ADAMTS9: variants seen among roughly 807,000 people sequenced by gnomAD.
The protein encoded by ADAMTS9 is ADAM metallopeptidase with thrombospondin type 1 motif 9, also known as A disintegrin and metalloproteinase with thrombospondin motifs 9.
A neutral mutation model predicts 257.1 loss-of-function variants in ADAMTS9; 107 were observed. The ratio of observed to expected loss-of-function variants is 0.42; its 90% CI spans 0.36 to 0.49. The LOEUF is 0.49. Among genes scored for constraint, ADAMTS9 ranks in the 20% least tolerant of loss-of-function variants. The pLI is 0.03. For synonymous variants in ADAMTS9, 982 were observed against 880.9 expected, an observed-to-expected ratio of 1.11 and a Z score of -2.03; for missense variants, 2,353 against 2,469.1, an observed-to-expected ratio of 0.95 and a Z score of 1.00.
At chr3:64,611,705 C>A (rs1240957090) in intron 22 of ADAMTS9, among the ~76,000 whole-genome samples, 2 of 152,178 alleles carry the variant, frequency 1.3e-5, no homozygotes, top group Admixed American at 1.3e-4. Context: ...AATGCTGCTG[C>A]TGATCTGACA....
At chr3:64,531,127 T>C (rs1037873592) in intron 38 of ADAMTS9, among the ~76,000 whole-genome samples, 1 of 152,110 alleles carries the variant, frequency 6.6e-6, no homozygotes, top group Non-Finnish European at 1.5e-5. Flanking sequence ...GGACATTGAT[T>C]GGCTGAGATG....
intron 28 of ADAMTS9, among the ~76,000 whole-genome samples, chr3:64,570,694 T>G (rs111315732): frequency 3.3e-5 from 1 of 29,966 alleles, no homozygotes; most frequent in Non-Finnish European, 5.0e-5. Flanking sequence ...AGACTCCGTC[T>G]CAAAAAAAAA....
Position 64,552,189 on chromosome 3 carries a change from T to C in ADAMTS9, c.4699-1127A>G, listed in dbSNP as rs375532506. Among the ~76,000 whole-genome samples, 3 of 152,338 alleles carry C rather than the reference T, an allele frequency of 2.0e-5. No homozygotes were observed. In the East Asian group the frequency reaches 5.8e-4, roughly 29 times the overall value. On this transcript the variant is annotated intron_variant, in intron 30 of 39. Transcript: ENST00000498707. ...TACTTGCCCCAGGTCACACATCTCT[T>C]TGTGAGGTAGACGGGACAGCTATGT...
At chr3:64,542,785 T>C (rs2083143445) in intron 32 of ADAMTS9, among the ~76,000 whole-genome samples, 1 of 151,868 alleles carries the variant, frequency 6.6e-6, no homozygotes. Flanking sequence ...CTGAAGGAGA[T>C]AGAGACACAA....
chr3:64,550,854 G>A, intron 31 of ADAMTS9, 38 bp downstream of exon 31: 3 of 1,611,518 alleles, frequency 1.9e-6, no homozygotes, highest in African/African-American at 2.7e-5. Context: ...CTCAGGCCAT[G>A]GCTGAGCTGA....
At position 64,517,429 on chromosome 3, in the gene ADAMTS9, T is replaced by TTTTTTTTTTTTTTG. The variant is rs1321284198; in HGVS notation, c.*6-309_*6-308insCAAAAAAAAAAAAA. ...TAATTAAAAATGGTTTTTTTTTTTT[T>TTTTTTTTTTTTTTG]TTTTTTTTTTGCAGAAATGGGAGTC... On this transcript the variant is annotated intron_variant, in intron 39 of 39. Coordinates refer to ENST00000498707, the MANE Select transcript of ADAMTS9 (RefSeq NM_182920.2). Among the ~76,000 whole-genome samples the TTTTTTTTTTTTTTG allele has an allele frequency of 1.1e-4, 15 of 130,662 alleles. 3 individuals carry two copies. The highest frequency in any genetic ancestry group is 8.9e-4 in the South Asian group (3 of 3,374). The allele number at this position is 130,662 out of a possible 152,430, so 85.7% of individuals were successfully genotyped here.
At chr3:64,675,743 C>A (rs1046771993) in intron 3 of ADAMTS9, among the ~76,000 whole-genome samples, 1 of 152,162 alleles carries the variant, frequency 6.6e-6, no homozygotes, top group Admixed American at 6.5e-5. Context: ...CTCTCTTCTT[C>A]CTGGCTGTGT....
intron 25 of ADAMTS9, among the ~76,000 whole-genome samples, chr3:64,602,659 T>G (rs1407766919): frequency 6.6e-6 from 1 of 152,190 alleles, no homozygotes; most frequent in African/African-American, 2.4e-5. Flanking sequence ...CTACTGCACC[T>G]TTTGCTGTAC....
chr3:64,601,014 C>T (rs2084449563), intron 26 of ADAMTS9, among the ~76,000 whole-genome samples: 1 of 152,130 alleles, frequency 6.6e-6, no homozygotes, highest in South Asian at 2.1e-4. Context: ...AAAACCCTCC[C>T]CCTCCTGCAG....
intron 16 of ADAMTS9, among the ~76,000 whole-genome samples, chr3:64,628,636 A>G (rs933918979): frequency 2.2e-4 from 34 of 152,346 alleles, no homozygotes; most frequent in African/African-American, 8.2e-4. Context: ...TGTCTTATAA[A>G]GTTGTCACTC....
chr3:64,538,507 C>T lies in ADAMTS9; in HGVS notation c.5613+696G>A, dbSNP rs74582477. On this transcript the variant is annotated intron_variant, in intron 37 of 39. Transcript: ENST00000498707. The stretch of plus-strand genomic sequence containing the variant: ...AAAAAAAAAACCTTACCAATGCACC[C>T]AACTAATATTTTGAAAAAGTCCTTC... 4.1e-4 allele frequency among the ~76,000 whole-genome samples: 62 copies of T among 151,224 alleles called. No homozygotes were observed. The East Asian group carries it at 0.011, about 27-fold the overall frequency.
At chr3:64,566,051 C>A (rs1448244291) in intron 29 of ADAMTS9, among the ~76,000 whole-genome samples, 4 of 152,094 alleles carry the variant, frequency 2.6e-5, no homozygotes, top group Admixed American at 2.6e-4. Context: ...AGAAATTAAA[C>A]CAATTATTTT....
At chr3:64,520,944 T>C (rs1462957429) in intron 39 of ADAMTS9, among the ~76,000 whole-genome samples, 3 of 151,980 alleles carry the variant, frequency 2.0e-5, no homozygotes, top group Non-Finnish European at 2.9e-5. Flanking sequence ...AAATTGATAA[T>C]GGAGACCTAA....
At chr3:64,579,335 C>T (rs550455436) in intron 28 of ADAMTS9, among the ~76,000 whole-genome samples, 34 of 152,244 alleles carry the variant, frequency 2.2e-4, no homozygotes, top group Non-Finnish European at 1.6e-4. Flanking sequence ...ATGTCACTTT[C>T]TTAATGGAGA....
chr3:64,630,906 A>G (rs7636925), intron 16 of ADAMTS9, among the ~76,000 whole-genome samples: 81,638 of 152,042 alleles, frequency 0.54, 23,463 homozygotes, highest in African/African-American at 0.75. Flanking sequence ...CATGCACCTC[A>G]GTTCAGTGAG....
intron 12 of ADAMTS9, among the ~76,000 whole-genome samples, chr3:64,638,543 T>C (rs1044391432): frequency 2.0e-5 from 3 of 152,166 alleles, no homozygotes; most frequent in African/African-American, 7.2e-5. Context: ...CAAGGGACTG[T>C]CCTTGTAAAC....
At chr3:64,602,275 G>A (rs2084477696) in intron 25 of ADAMTS9, 62 bp from the exon 26 acceptor site, 1 of 1,571,528 alleles carries the variant, frequency 6.4e-7, no homozygotes, top group East Asian at 2.3e-5. Flanking sequence ...GACAATTCCT[G>A]AATGTGCATT....
chr3:64,542,938 C>A (rs905561182), intron 32 of ADAMTS9, among the ~76,000 whole-genome samples: 1 of 151,906 alleles, frequency 6.6e-6, no homozygotes, highest in Non-Finnish European at 1.5e-5. Flanking sequence ...GGGAATATCA[C>A]CACCAATCCC....
chr3:64,602,103 A>G lies in ADAMTS9; in HGVS notation c.3858T>C (p.Thr1286=). 6.2e-7 allele frequency: 1 copy of G among 1,614,116 alleles called. No individual in the cohort carries two copies. Among genetic ancestry groups the G allele is most frequent in the Non-Finnish European group, 8.5e-7 (1 of 1,180,002 alleles). ...ATGGTGACATGGAACAGTCCTGGTC[A>G]GTTTCTGGGATATAATCCTGGTCAC... The part of the protein sequence containing the change: ...SECDQDYIPE[T]DQDCSMSPCP... Residue 1286 remains threonine, a synonymous_variant, in exon 26 of 40, where the codon ACT becomes ACC. Transcript: ENST00000498707.
Sources: gnomAD v4.1 joint callset for allele counts (sites outside exome capture counted in the v4.1 genomes callset) on GRCh38, gnomAD v4.1.1 for gene constraint, MANE v1.5 for transcripts, NCBI Gene and HGNC (gene_info 2026-07-23, HGNC 2026-07-21) for gene names.